PCDH9: variants seen among roughly 807,000 people sequenced by gnomAD.
PCDH9 encodes protocadherin 9.
Under a neutral mutation model 70.6 loss-of-function variants are expected in PCDH9, and 24 were observed. The observed-to-expected ratio is 0.34, with a 90% CI of 0.25 to 0.48. PCDH9 has a LOEUF of 0.48. Among genes scored for constraint, PCDH9 ranks in the 20% least tolerant of loss-of-function variants. The pLI is 0.99. For synonymous variants in PCDH9, 562 were observed against 558.5 expected (o/e 1.01, Z -0.09); for missense variants, 1,281 against 1,503.6 (o/e 0.85, Z 2.45).
intron 3 of PCDH9, among the ~76,000 whole-genome samples, chr13:66,803,946 T>C (rs1470824606): frequency 1.3e-5 from 2 of 152,160 alleles, no homozygotes; most frequent in Non-Finnish European, 2.9e-5. Context: ...TAATAACCAG[T>C]TGTCTCTGGC....
chr13:66,425,559 GAA>G lies in PCDH9; in HGVS notation c.3341-120533_3341-120532del, dbSNP rs543657712. ...AGAAGTTATCCTACTTTCAGAAAACGAAAAAAAAAAAAATACCTTTGACTGTG... is the reference window on the plus strand; with the variant it reads ...AGAAGTTATCCTACTTTCAGAAAACGAAAAAAAAAAATACCTTTGACTGTG... On this transcript the variant is annotated intron_variant, in intron 4 of 4. Transcript: ENST00000377865. Among the ~76,000 whole-genome samples, 1,315 of 137,520 alleles carry G rather than the reference GAA, an allele frequency of 9.6e-3. 16 individuals carry two copies. The highest frequency in any genetic ancestry group is 0.032 in the African/African-American group (1,244 of 38,622). The allele number at this position is 137,520 out of a possible 152,430, so 90.2% of individuals were successfully genotyped here.
intron 3 of PCDH9, among the ~76,000 whole-genome samples, chr13:66,721,870 G>C (rs764730033): frequency 6.6e-6 from 1 of 152,074 alleles, no homozygotes; most frequent in Non-Finnish European, 1.5e-5. Flanking sequence ...TCTGCCTCAA[G>C]TACTAGAAAT....
intron 4 of PCDH9, among the ~76,000 whole-genome samples, chr13:66,356,764 A>T (rs997953622): frequency 2.0e-5 from 3 of 152,150 alleles, no homozygotes; most frequent in Non-Finnish European, 4.4e-5. Flanking sequence ...TAACTATTGA[A>T]TAAATATATG....
At chr13:67,156,562 T>A (rs1192451241) in intron 2 of PCDH9, among the ~76,000 whole-genome samples, 1 of 152,042 alleles carries the variant, frequency 6.6e-6, no homozygotes, top group African/African-American at 2.4e-5. Context: ...ACCATCTCCC[T>A]TCTGGCTCCC....
chr13:66,905,826 A>T (rs887421797), intron 2 of PCDH9, among the ~76,000 whole-genome samples: 3 of 152,190 alleles, frequency 2.0e-5, no homozygotes, highest in African/African-American at 7.2e-5. Context: ...GATTAGGAAG[A>T]CACAGGTTCA....
At chr13:66,458,632 A>G (rs1031899342) in intron 4 of PCDH9, among the ~76,000 whole-genome samples, 1 of 152,058 alleles carries the variant, frequency 6.6e-6, no homozygotes. Flanking sequence ...ATCAGTTTAC[A>G]TACATCACCA....
At chr13:66,516,111 T>C (rs190761020) in intron 4 of PCDH9, among the ~76,000 whole-genome samples, 1 of 152,154 alleles carries the variant, frequency 6.6e-6, no homozygotes, top group African/African-American at 2.4e-5. Context: ...TGTTAATTCT[T>C]ATCAACATGG....
chr13:66,498,012 G>C (rs1333809441), intron 4 of PCDH9, among the ~76,000 whole-genome samples: 1 of 151,618 alleles, frequency 6.6e-6, no homozygotes, highest in Admixed American at 6.6e-5. Flanking sequence ...TAGAGATGGG[G>C]TTTCGCCATG....
At chr13:66,608,096 G>A (rs555551042) in intron 4 of PCDH9, among the ~76,000 whole-genome samples, 181 of 152,028 alleles carry the variant, frequency 1.2e-3, no homozygotes, top group Non-Finnish European at 2.1e-3. Context: ...GGATCAGAAG[G>A]TATTTTACAA....
intron 3 of PCDH9, among the ~76,000 whole-genome samples, chr13:66,860,292 G>A (rs568969663): frequency 1.8e-4 from 27 of 152,126 alleles, no homozygotes; most frequent in African/African-American, 3.6e-4. Flanking sequence ...ATAAGCATTC[G>A]CAGCAGCTTC....
Position 66,305,016 on chromosome 13 carries a change from C to A in PCDH9, c.3353G>T (p.Gly1118Val). 6.2e-7 allele frequency: 1 copy of A among 1,608,902 alleles called. No individual in the cohort carries two copies. The highest frequency in any genetic ancestry group is 8.5e-7 in the Non-Finnish European group (1 of 1,176,770). ...TGTAGCTTCAGCTAATCCTCGGGGACCCAAAGGCCCATCTGCAGAAGACAA... is the reference window on the plus strand; with the variant it reads ...TGTAGCTTCAGCTAATCCTCGGGGAACCAAAGGCCCATCTGCAGAAGACAA... ...NSDPNSDGPL[G>V]PRGLAEATEM... Residue 1118 changes from glycine (G) to valine (V), a missense_variant, in exon 5 of 5, where the codon GGT (glycine) becomes GTT (valine). Physicochemically the swap from Gly to Val is moderately radical, Grantham distance 109 (BLOSUM62 -3). This residue lies in a region of PCDH9 where 264 missense variants were observed against 278.8 expected (regional missense o/e 0.95). Transcript: ENST00000377865.
intron 2 of PCDH9, among the ~76,000 whole-genome samples, chr13:67,157,441 C>A (rs971134586): frequency 2.6e-5 from 4 of 152,106 alleles, no homozygotes; most frequent in Admixed American, 2.0e-4. Context: ...ATACTAAGGG[C>A]AAGTTTAAGA....
chr13:66,951,738 G>GA (rs202194764), intron 2 of PCDH9, among the ~76,000 whole-genome samples: 1,646 of 152,232 alleles, frequency 0.011, 21 homozygotes, highest in Non-Finnish European at 0.017. Context: ...TTTCCTTACT[G>GA]AATTTTTTAG....
chr13:66,930,774 T>G (rs73503488), intron 2 of PCDH9, among the ~76,000 whole-genome samples: 1 of 152,148 alleles, frequency 6.6e-6, no homozygotes, highest in African/African-American at 2.4e-5. Flanking sequence ...GTTACCTCTT[T>G]TAATGTAATT....
intron 4 of PCDH9, among the ~76,000 whole-genome samples, chr13:66,452,204 G>A (rs1260220832): frequency 6.6e-6 from 1 of 152,124 alleles, no homozygotes; most frequent in Admixed American, 6.5e-5. Context: ...GCTTTTTGAG[G>A]AGAGGATGGG....
At chr13:67,103,839 A>G (rs2086482346) in intron 2 of PCDH9, among the ~76,000 whole-genome samples, 1 of 152,142 alleles carries the variant, frequency 6.6e-6, no homozygotes, top group Non-Finnish European at 1.5e-5. Context: ...ATCTTTGAGC[A>G]TGGAATTCAC....
chr13:66,876,068 G>A (rs879466783), intron 3 of PCDH9, among the ~76,000 whole-genome samples: 50 of 152,102 alleles, frequency 3.3e-4, no homozygotes, highest in African/African-American at 4.8e-4. Context: ...GCTATCCATC[G>A]TGCTATCATA....
At chr13:67,192,556 T>C (rs1365452010) in intron 2 of PCDH9, among the ~76,000 whole-genome samples, 1 of 152,206 alleles carries the variant, frequency 6.6e-6, no homozygotes, top group African/African-American at 2.4e-5. Flanking sequence ...CAAGAACATA[T>C]TCATTCTGAC....
At chr13:67,060,752 AAC>A in intron 2 of PCDH9, among the ~76,000 whole-genome samples, 1 of 152,212 alleles carries the variant, frequency 6.6e-6, no homozygotes, top group Admixed American at 6.6e-5. Context: ...GCATCAAATT[AAC>A]AAAGACCTAG....
Sources: gnomAD v4.1 joint callset for allele counts (sites outside exome capture counted in the v4.1 genomes callset) on GRCh38, gnomAD v4.1.1 for gene constraint, gnomAD v4.1.1 regional missense constraint, MANE v1.5 for transcripts, NCBI Gene and HGNC (gene_info 2026-07-23, HGNC 2026-07-21) for gene names.